DCTN4: variants seen among roughly 807,000 people sequenced by gnomAD.
The protein encoded by DCTN4 is dynactin subunit 4.
DCTN4 carries 23 observed loss-of-function variants against 62.7 expected under a neutral mutation model. The ratio of observed to expected loss-of-function variants is 0.37; its 90% CI spans 0.26 to 0.52. DCTN4 has a LOEUF of 0.52. Among genes scored for constraint, DCTN4 ranks in the 20% least tolerant of loss-of-function variants. DCTN4 has a pLI of 0.92. For synonymous variants in DCTN4, 199 were observed against 202.1 expected, an observed-to-expected ratio of 0.98 and a Z score of 0.13; for missense variants, 514 against 580.4, an observed-to-expected ratio of 0.89 and a Z score of 1.18.
intron 1 of DCTN4, among the ~76,000 whole-genome samples, chr5:150,757,188 G>A (rs979539252): frequency 1.3e-5 from 2 of 152,084 alleles, no homozygotes; most frequent in African/African-American, 4.8e-5. Context: ...GATAGAAACT[G>A]GCTTTTTTCA....
At chr5:150,714,356 G>A (rs1759680685) in intron 12 of DCTN4, among the ~76,000 whole-genome samples, 1 of 151,744 alleles carries the variant, frequency 6.6e-6, no homozygotes. Flanking sequence ...TGTGGTCCCT[G>A]TTCCCTGTGG....
intron 5 of DCTN4, chr5:150,731,893 T>C: frequency 1.9e-6 from 3 of 1,551,656 alleles, no homozygotes; most frequent in Non-Finnish European, 2.6e-6. Context: ...TACCACTACA[T>C]GAATAGTATG....
chr5:150,746,122 C>T (rs1462325110), intron 3 of DCTN4, among the ~76,000 whole-genome samples: 1 of 151,388 alleles, frequency 6.6e-6, no homozygotes, highest in African/African-American at 2.4e-5. Flanking sequence ...CACCACCGAT[C>T]CCACAGAAAT....
At chr5:150,726,941 T>C (rs1760166143) in intron 8 of DCTN4, among the ~76,000 whole-genome samples, 1 of 152,210 alleles carries the variant, frequency 6.6e-6, no homozygotes, top group Non-Finnish European at 1.5e-5. Context: ...CAAAGCATCA[T>C]TTTTACATGA....
chr5:150,733,027 C>G (rs928127588), intron 5 of DCTN4, among the ~76,000 whole-genome samples: 1 of 152,140 alleles, frequency 6.6e-6, no homozygotes, highest in Non-Finnish European at 1.5e-5. Flanking sequence ...CTGAAATCTA[C>G]CATTTGCCCA....
At position 150,733,450 on chromosome 5, in the gene DCTN4, T is replaced by C. The variant is rs750026281; in HGVS notation, c.455A>G (p.Gln152Arg). 28 of 1,613,940 alleles carry C rather than the reference T, an allele frequency of 1.7e-5. No homozygotes were observed. Among genetic ancestry groups the C allele is most frequent in the Admixed American group, 5.0e-5 (3 of 59,978 alleles). The change falls in exon 5 of 13, where the codon CAG becomes CGG. Residue 152 changes from glutamine to arginine, a missense_variant. By Grantham distance (43) the Gln-to-Arg change is conservative. Transcript: ENST00000447998. ...AACCTTCTCTTTCTGAGCAAGCTGC[T>C]GGTAATATTCAATCAATTTGTTCAT... ...QRMNKLIEYYQQLAQKEKVER... is the reference protein window; with the variant it reads ...QRMNKLIEYYRQLAQKEKVER...
chr5:150,726,753 GGTTAT>G (rs1760159093), intron 8 of DCTN4, among the ~76,000 whole-genome samples: 1 of 152,098 alleles, frequency 6.6e-6, no homozygotes, highest in Non-Finnish European at 1.5e-5. Flanking sequence ...ACCGTGGGCT[GGTTAT>G]GTTAACTGAA....
chr5:150,715,478 T>TAA (rs1759719992), intron 12 of DCTN4, 87 bp downstream of exon 12: 1 of 1,035,250 alleles, frequency 9.7e-7, no homozygotes, highest in Non-Finnish European at 1.4e-6. Context: ...AAAGTTATTT[T>TAA]AAAAAATCCA....
rs145264717 is a variant in DCTN4 at position 150,730,571 on chromosome 5, C to T, written c.834+60G>A. On this transcript the variant is annotated intron_variant, in intron 8 of 12. Transcript: ENST00000447998. ...GGTTTTGACATTAGTCAGACACCAG[C>T]CACATTTATTTTTGCTTTCCTCTTG... is the stretch of plus-strand genomic sequence containing the variant. 30 of 1,443,324 alleles carry T rather than the reference C, an allele frequency of 2.1e-5. No individual in the cohort carries two copies. In the African/African-American group the frequency reaches 3.4e-4, roughly 16 times the overall value. 89.4% of individuals were successfully genotyped at this position (1,443,324 alleles called of 1,614,324 possible). A position where few individuals can be genotyped will look rare whatever the true frequency, so the allele number is the denominator to read the frequency against.
chr5:150,731,952 T>C, intron 5 of DCTN4: 3 of 1,540,932 alleles, frequency 1.9e-6, no homozygotes, highest in African/African-American at 1.4e-5. Flanking sequence ...AGACAAAAAA[T>C]GCAGCATAAG....
rs1456937081 is a variant in DCTN4, at chr5:150,758,848, G to T, written c.135+11C>A. On this transcript the variant is annotated intron_variant, in intron 1 of 12. Coordinates refer to ENST00000447998, the MANE Select transcript of DCTN4 (RefSeq NM_016221.4). ...CCACCCCACATACTCGCTATAGGGCGACTCTGTTACCTCGTGAGACACACA... is the reference window on the plus strand; with the variant it reads ...CCACCCCACATACTCGCTATAGGGCTACTCTGTTACCTCGTGAGACACACA... The T allele has an allele frequency of 2.5e-6, 4 of 1,613,580 alleles. No individual in the cohort carries two copies. The highest frequency in any genetic ancestry group is 1.1e-5 in the South Asian group (1 of 91,054).
chr5:150,758,323 G>C, intron 1 of DCTN4: 1 of 986,150 alleles, frequency 1.0e-6, no homozygotes, highest in South Asian at 4.6e-5. Flanking sequence ...ACTGTATTCT[G>C]AGCGCTTTTC....
chr5:150,758,482 G>A, intron 1 of DCTN4: 4 of 995,426 alleles, frequency 4.0e-6, no homozygotes, highest in Non-Finnish European at 4.8e-6. Flanking sequence ...GAACGCCTGC[G>A]CCTCCCTCCA....
At chr5:150,720,305 T>C (rs1236941075) in intron 9 of DCTN4, among the ~76,000 whole-genome samples, 2 of 152,174 alleles carry the variant, frequency 1.3e-5, no homozygotes, top group African/African-American at 4.8e-5. Flanking sequence ...CTATTTTTCA[T>C]GGTGACCAGC....
intron 4 of DCTN4, 64 bp from the exon 5 acceptor site, chr5:150,733,539 C>A: frequency 8.7e-7 from 1 of 1,145,146 alleles, no homozygotes. Context: ...AATTAATCAA[C>A]TACACTGACT....
At chr5:150,751,883 A>T (rs1752688650) in intron 3 of DCTN4, among the ~76,000 whole-genome samples, 1 of 152,206 alleles carries the variant, frequency 6.6e-6, no homozygotes, top group Non-Finnish European at 1.5e-5. Flanking sequence ...AGTTGAATCT[A>T]AAGAACTTCA....
At chr5:150,757,188 G>T (rs979539252) in intron 1 of DCTN4, among the ~76,000 whole-genome samples, 2 of 152,084 alleles carry the variant, frequency 1.3e-5, no homozygotes, top group African/African-American at 4.8e-5. Flanking sequence ...GATAGAAACT[G>T]GCTTTTTTCA....
At position 150,727,669 on chromosome 5, in the gene DCTN4, G is replaced by A. The variant is rs560177755; in HGVS notation, c.834+2962C>T. Among the ~76,000 whole-genome samples the A allele has an allele frequency of 5.6e-3, 838 of 150,828 alleles. 6 individuals are homozygous for A. Among genetic ancestry groups the A allele is most frequent in the African/African-American group, 0.02 (806 of 41,100 alleles). The stretch of plus-strand genomic sequence containing the variant: ...CGGGCGCCTGTAGTCCCAGCTACTC[G>A]GGAGGCTGAGGCAGGAGAATGGCGT... On this transcript the variant is annotated intron_variant, in intron 8 of 12. Transcript: ENST00000447998.
chr5:150,731,575 T>C, intron 5 of DCTN4, 86 bp from the exon 6 acceptor site: 1 of 1,092,994 alleles, frequency 9.1e-7, no homozygotes, highest in Non-Finnish European at 1.3e-6. Context: ...TAGGATAGCA[T>C]GAGAAGCTCA....
Sources: allele counts gnomAD v4.1 joint callset (sites outside exome capture counted in the v4.1 genomes callset), GRCh38; gene constraint gnomAD v4.1.1; transcripts MANE v1.5; gene names NCBI Gene and HGNC (gene_info 2026-07-23, HGNC 2026-07-21).